GRB2: variants seen among roughly 807,000 people sequenced by gnomAD.
GRB2 encodes growth factor receptor bound protein 2, also known as growth factor receptor-bound protein 2.
Under a neutral mutation model 27.4 loss-of-function variants are expected in GRB2, and 2 were observed. The observed-to-expected ratio is 0.07, with a 90% CI of 0.03 to 0.23. The LOEUF is 0.23. Ranked by LOEUF, GRB2 falls within the 10% of genes least tolerant of loss-of-function variation. The pLI is 1.00. For missense variants in GRB2, 102 were observed against 282.4 expected (o/e 0.36, Z 4.58); for synonymous variants, 94 against 99.6 (o/e 0.94, Z 0.33).
chr17:75,389,035 T>C (rs770992495), intron 2 of GRB2, among the ~76,000 whole-genome samples: 19 of 152,162 alleles, frequency 1.2e-4, no homozygotes, highest in Admixed American at 3.9e-4. Context: ...CCCGATTACT[T>C]GCCACCATCC....
chr17:75,357,611 C>T (rs1423962497), intron 2 of GRB2, among the ~76,000 whole-genome samples: 2 of 152,158 alleles, frequency 1.3e-5, no homozygotes, highest in African/African-American at 4.8e-5. Flanking sequence ...TGCTCCCTGA[C>T]GGTCTATTCA....
chr17:75,378,002 C>A (rs1483454326), intron 2 of GRB2, among the ~76,000 whole-genome samples: 1 of 152,190 alleles, frequency 6.6e-6, no homozygotes, highest in Non-Finnish European at 1.5e-5. Flanking sequence ...GGTGTGTCTT[C>A]CCAGGTCGAT....
chr17:75,390,260 CA>C (rs1370313213), intron 2 of GRB2, among the ~76,000 whole-genome samples: 1 of 152,198 alleles, frequency 6.6e-6, no homozygotes, highest in Non-Finnish European at 1.5e-5. Context: ...ATGGAATGAG[CA>C]CAGATCTGAG....
intron 2 of GRB2, among the ~76,000 whole-genome samples, chr17:75,374,867 G>A (rs2078881985): frequency 6.6e-6 from 1 of 151,972 alleles, no homozygotes; most frequent in Non-Finnish European, 1.5e-5. Flanking sequence ...CTCTCTGCAC[G>A]GCATTCAGAT....
At chr17:75,377,097 A>G (rs1424986535) in intron 2 of GRB2, among the ~76,000 whole-genome samples, 2 of 150,744 alleles carry the variant, frequency 1.3e-5, no homozygotes, top group East Asian at 3.9e-4. Context: ...TGGGAGGATC[A>G]CTCGAGACCA....
In GRB2 at chr17:75,405,611, C is replaced by A; in HGVS notation, c.-260G>T. On this transcript the variant is annotated 5_prime_UTR_variant, in exon 1 of 6. Coordinates refer to ENST00000316804, the MANE Select transcript of GRB2 (RefSeq NM_002086.5). ...CCCGCCGCCGTCACCGCCACAGGCA[C>A]AGACTCTGCCACAGCCGCCGCCGCC... The A allele has an allele frequency of 6.2e-6, 1 of 162,136 alleles. No homozygotes were observed. The highest frequency in any genetic ancestry group is 1.3e-5 in the Non-Finnish European group (1 of 74,180). 10.0% of individuals were successfully genotyped at this position (162,136 alleles called of 1,614,324 possible).
intron 1 of GRB2, among the ~76,000 whole-genome samples, chr17:75,397,019 C>G (rs114951095): frequency 8.5e-4 from 129 of 152,298 alleles, no homozygotes; most frequent in African/African-American, 3.0e-3. Flanking sequence ...TTTCCTGCTG[C>G]TACTCAGCTC....
chr17:75,368,354 T>C (rs1028542190), intron 2 of GRB2, among the ~76,000 whole-genome samples: 5 of 151,388 alleles, frequency 3.3e-5, no homozygotes, highest in African/African-American at 1.2e-4. Flanking sequence ...TAGGTGGGAT[T>C]ACAGGCGCCC....
At chr17:75,343,439 A>C (rs1413956048) in intron 2 of GRB2, among the ~76,000 whole-genome samples, 1 of 152,206 alleles carries the variant, frequency 6.6e-6, no homozygotes, top group Non-Finnish European at 1.5e-5. Context: ...GTTTCTTTAT[A>C]ATGTTCATAC....
chr17:75,318,104 A>G lies in GRB2; in HGVS notation c.*2264T>C, dbSNP rs2078428233. 1 of 152,384 alleles carries G rather than the reference A, an allele frequency of 6.6e-6. No homozygotes were observed. Among genetic ancestry groups the G allele is most frequent in the South Asian group, 2.1e-4 (1 of 4,836 alleles). The allele number at this position is 152,384 out of a possible 1,614,324, so 9.4% of individuals were successfully genotyped here. ...AGAATTCATTGTGTATTTATTATTC[A>G]CAGTTAATCACTACCTACCAAATGC... On this transcript the variant is annotated 3_prime_UTR_variant, in exon 6 of 6. Coordinates refer to ENST00000316804, the MANE Select transcript of GRB2 (RefSeq NM_002086.5).
At position 75,321,680 on chromosome 17, in the gene GRB2, C is replaced by T. The variant is rs903198055; in HGVS notation, c.447G>A (p.Arg149=). The T allele has an allele frequency of 1.2e-6, 2 of 1,613,986 alleles. No homozygotes were observed. Among genetic ancestry groups the T allele is most frequent in the African/African-American group, 2.7e-5 (2 of 74,904 alleles). The change falls in exon 5 of 6, where the codon CGG becomes CGA. Residue 149 remains arginine (R), a synonymous_variant. Coordinates refer to ENST00000316804, the MANE Select transcript of GRB2 (RefSeq NM_002086.5). The part of the protein sequence containing the change: ...SVSRNQQIFL[R]DIEQVPQQPT... ...TTACCTGTGGCACCTGTTCTATGTC[C>T]CGCAGGAATATCTGCTGGTTTCTGG...
intron 1 of GRB2, 138 bp from the exon 2 acceptor site, chr17:75,393,903 G>GC (rs34770042): frequency 0.063 from 24,864 of 393,832 alleles, 461 homozygotes; most frequent in Middle Eastern, 0.12. Flanking sequence ...CCAGGCAACA[G>GC]CCCCCCCCCG....
chr17:75,395,607 C>A (rs1044671514), intron 1 of GRB2, among the ~76,000 whole-genome samples: 2 of 152,088 alleles, frequency 1.3e-5, no homozygotes, highest in Non-Finnish European at 2.9e-5. Context: ...ACTTATTTTT[C>A]TTTTTTTAAA....
intron 2 of GRB2, among the ~76,000 whole-genome samples, chr17:75,351,727 C>T (rs2078693771): frequency 6.6e-6 from 1 of 152,042 alleles, no homozygotes; most frequent in Non-Finnish European, 1.5e-5. Context: ...AGGGATAATC[C>T]CTCACCTAGA....
intron 3 of GRB2, 75 bp from the exon 4 acceptor site, chr17:75,326,095 G>A (rs1422926056): frequency 5.8e-6 from 9 of 1,545,942 alleles, no homozygotes; most frequent in African/African-American, 4.1e-5. Flanking sequence ...CAAAATGTGA[G>A]TAACACAACA....
intron 3 of GRB2, among the ~76,000 whole-genome samples, chr17:75,329,376 G>A (rs572156011): frequency 2.6e-5 from 4 of 152,190 alleles, no homozygotes; most frequent in South Asian, 2.1e-4. Context: ...ACGTGTTGGC[G>A]GTTCTAACAC....
At chr17:75,395,853 T>C (rs199658527) in intron 1 of GRB2, among the ~76,000 whole-genome samples, 4 of 133,604 alleles carry the variant, frequency 3.0e-5, no homozygotes, top group Non-Finnish European at 6.6e-5. Flanking sequence ...TTTTTTTTTT[T>C]CTTTTTTGAG....
At chr17:75,341,247 C>T (rs1448493974) in intron 2 of GRB2, among the ~76,000 whole-genome samples, 1 of 151,856 alleles carries the variant, frequency 6.6e-6, no homozygotes, top group Non-Finnish European at 1.5e-5. Context: ...GCCTGGTCAA[C>T]ATGGTGAAAC....
intron 2 of GRB2, among the ~76,000 whole-genome samples, chr17:75,365,771 C>CAATAGA (rs2078815221): frequency 6.6e-6 from 1 of 152,044 alleles, no homozygotes; most frequent in Non-Finnish European, 1.5e-5. Context: ...AATTAATAAC[C>CAATAGA]AGTGGGTGCC....
Sources: gnomAD v4.1 joint callset for allele counts (sites outside exome capture counted in the v4.1 genomes callset) on GRCh38, gnomAD v4.1.1 for gene constraint, MANE v1.5 for transcripts, NCBI Gene and HGNC (gene_info 2026-07-23, HGNC 2026-07-21) for gene names.